The following GLS variants were observed in gnomAD, a reference collection of about 807,000 sequenced individuals.
GLS encodes the protein glutaminase kidney isoform, mitochondrial.
Under a neutral mutation model 86.7 loss-of-function variants are expected in GLS, and 36 were observed. That is an observed-to-expected ratio of 0.42 (90% CI 0.32 to 0.55). The LOEUF (loss-of-function observed/expected upper bound fraction) is 0.55, where lower values mean the gene tolerates loss of function less well. GLS is among the 20% of genes least tolerant of loss of function. GLS has a pLI of 0.17. For missense variants in GLS, 528 were observed against 833.4 expected (o/e 0.63, Z 4.51); for synonymous variants, 317 against 305.9 (o/e 1.04, Z -0.38).
rs181241173 is a variant in GLS at position 190,900,235 on chromosome 2, G to A, written c.606-329G>A. Among the ~76,000 whole-genome samples the A allele has an allele frequency of 2.7e-3, 412 of 152,242 alleles. 3 individuals carry two copies. The highest frequency in any genetic ancestry group is 4.7e-3 in the Non-Finnish European group (319 of 67,978). ...GTCTGAATTTTGTTAACCAGATGTC[G>A]TCATGCTGAATGTTACCAACTCTGA... On this transcript the variant is annotated intron_variant, in intron 3 of 17. Coordinates refer to ENST00000320717, the MANE Select transcript of GLS (RefSeq NM_014905.5).
intron 14 of GLS, among the ~76,000 whole-genome samples, chr2:190,942,880 ACACAAGC>A (rs1690480510): frequency 6.6e-6 from 1 of 152,244 alleles, no homozygotes; most frequent in South Asian, 2.1e-4. Context: ...AACTTCTGTT[ACACAAGC>A]CTTAAGTGTG....
chr2:190,944,879 GTTC>G (rs760995081), intron 14 of GLS, among the ~76,000 whole-genome samples: 38 of 151,992 alleles, frequency 2.5e-4, no homozygotes, highest in Non-Finnish European at 4.7e-4. Context: ...TATTTCTTTT[GTTC>G]TTTTATTTTC....
rs1254104547 is a variant in GLS at position 190,901,997 on chromosome 2, T to C, written c.786T>C (p.Gly262=). ...CCAAATTCAGTCCCGATTTGTGGGG[T>C]GTGTCTGTTTGTACAGTAGATGGAC... The part of the protein sequence containing the change: ...QLAKFSPDLW[G]VSVCTVDGQR... Residue 262 remains glycine, a synonymous_variant, in exon 5 of 18, where the codon GGT becomes GGC. Coordinates refer to ENST00000320717, the MANE Select transcript of GLS (RefSeq NM_014905.5). The C allele has an allele frequency of 1.2e-5, 19 of 1,610,988 alleles. No individual in the cohort carries two copies. The highest frequency in any genetic ancestry group is 1.6e-5 in the Non-Finnish European group (19 of 1,177,348).
In GLS at chr2:190,901,942, G is replaced by C. The variant is rs750699818; in HGVS notation, c.736-5G>C. On this transcript the variant is annotated splice_polypyrimidine_tract_variant and splice_region_variant and intron_variant, in intron 4 of 17. Coordinates refer to ENST00000320717, the MANE Select transcript of GLS (RefSeq NM_014905.5). ...CTATTCATTTCTTTCCAATCTTTTG[G>C]ATAGGTTGCAGATTATATTCCTCAA... 2.2e-5 allele frequency: 34 copies of C among 1,569,904 alleles called. 1 individual carries two copies. In the South Asian group the frequency reaches 3.7e-4, roughly 17 times the overall value.
At chr2:190,910,161 T>C in intron 6 of GLS, 102 bp from the exon 7 acceptor site, 1 of 674,606 alleles carries the variant, frequency 1.5e-6, no homozygotes, top group Non-Finnish European at 2.5e-6. Flanking sequence ...AAAGCAAAAT[T>C]GAGTACGTTA....
chr2:190,940,161 T>G (rs1308491892), intron 14 of GLS, among the ~76,000 whole-genome samples: 1 of 151,920 alleles, frequency 6.6e-6, no homozygotes, highest in African/African-American at 2.4e-5. Flanking sequence ...TATTCTTTAT[T>G]TATTATTTTA....
chr2:190,935,093 C>G lies in GLS; in HGVS notation c.1650+3456C>G, dbSNP rs1437079163. 1 of 943,572 alleles carries G rather than the reference C, an allele frequency of 1.1e-6. No individual in the cohort carries two copies. Among genetic ancestry groups the G allele is most frequent in the African/African-American group, 1.8e-5 (1 of 56,328 alleles). 58.4% of individuals were successfully genotyped at this position (943,572 alleles called of 1,614,324 possible). Reference sequence around the variant, plus strand: ...TCTTTTTTCTTTCTTTTTTTGGCATCATTAACATTTCATTTGAAATGCATA... The same window carrying G: ...TCTTTTTTCTTTCTTTTTTTGGCATGATTAACATTTCATTTGAAATGCATA... On this transcript the variant is annotated intron_variant, in intron 14 of 17. Transcript: ENST00000320717. The surrounding 1 kb of genome is among the most constrained non-coding windows in gnomAD (Gnocchi z 4.2).
intron 3 of GLS, chr2:190,896,319 A>G (rs531815937): frequency 6.6e-6 from 1 of 152,206 alleles, no homozygotes; most frequent in African/African-American, 2.4e-5. Flanking sequence ...GTATTTGCAT[A>G]TATTTATTAT....
intron 7 of GLS, among the ~76,000 whole-genome samples, chr2:190,910,555 T>C (rs1246756638): frequency 6.6e-6 from 1 of 151,688 alleles, no homozygotes; most frequent in Non-Finnish European, 1.5e-5. Flanking sequence ...CATTTACTCT[T>C]GACTTGAAGA....
chr2:190,936,886 T>C (rs1405765801), intron 14 of GLS, among the ~76,000 whole-genome samples: 1 of 151,348 alleles, frequency 6.6e-6, no homozygotes, highest in East Asian at 1.9e-4. Flanking sequence ...TTCTCCTACA[T>C]GGCCTTGAAA....
At position 190,964,262 on chromosome 2, in the gene GLS, C is replaced by CACAT. The variant is rs1158263454; in HGVS notation, c.*1281_*1284dup. 1 of 152,066 alleles carries CACAT rather than the reference C, an allele frequency of 6.6e-6. No individual in the cohort carries two copies. The highest frequency in any genetic ancestry group is 2.4e-5 in the African/African-American group (1 of 41,388). 9.4% of individuals were successfully genotyped at this position (152,066 alleles called of 1,614,324 possible). A position where few individuals can be genotyped will look rare whatever the true frequency, so the allele number is the denominator to read the frequency against. The stretch of plus-strand genomic sequence containing the variant: ...ATAGAACAGGATTTTCTAGGAGTTA[C>CACAT]ACATACATTTTATCCTGTCATACCT... On this transcript the variant is annotated 3_prime_UTR_variant, in exon 18 of 18. Transcript: ENST00000320717. The surrounding 1 kb of genome is among the most constrained non-coding windows in gnomAD (Gnocchi z 5.2).
chr2:190,934,682 A>G, intron 14 of GLS: 2 of 974,672 alleles, frequency 2.1e-6, no homozygotes, highest in Non-Finnish European at 2.4e-6. Context: ...ATGAAGATTT[A>G]GTTTTCATAT....
chr2:190,902,333 A>AAT (rs1479381279), intron 5 of GLS, among the ~76,000 whole-genome samples: 1 of 152,182 alleles, frequency 6.6e-6, no homozygotes, highest in Admixed American at 6.5e-5. Flanking sequence ...CTATTCTCTA[A>AAT]TGAACTGACT....
At chr2:190,931,668 TA>T (rs1690108894) in intron 14 of GLS, 31 bp downstream of exon 14, 4 of 1,031,138 alleles carry the variant, frequency 3.9e-6, no homozygotes, top group Non-Finnish European at 5.9e-6. Context: ...GATAAGTATA[TA>T]AAATTTTTAA....
At chr2:190,917,046 A>G (rs1170622340) in intron 7 of GLS, among the ~76,000 whole-genome samples, 1 of 152,170 alleles carries the variant, frequency 6.6e-6, no homozygotes, top group African/African-American at 2.4e-5. Flanking sequence ...TAAGACGACA[A>G]TGAAGTTGCC....
intron 6 of GLS, among the ~76,000 whole-genome samples, chr2:190,908,466 T>C (rs1318371949): frequency 6.6e-6 from 1 of 152,244 alleles, no homozygotes; most frequent in East Asian, 1.9e-4. Flanking sequence ...TTTTGCATTA[T>C]AGTTTAAAGC....
At position 190,885,106 on chromosome 2, in the gene GLS, A is replaced by T. The variant is rs577507610; in HGVS notation, c.386+3636A>T. ...TTTCAGCTAGCTTTAGTTAGTATGG[A>T]TTTATGTTTTGATAGTTCAGCTTTA... is the stretch of plus-strand genomic sequence containing the variant. On this transcript the variant is annotated intron_variant, in intron 1 of 17. Coordinates refer to ENST00000320717, the MANE Select transcript of GLS (RefSeq NM_014905.5). Among the ~76,000 whole-genome samples, 8 of 152,282 alleles carry T rather than the reference A, an allele frequency of 5.3e-5. No individual in the cohort carries two copies. In the East Asian group the frequency reaches 1.5e-3, roughly 29 times the overall value.
At chr2:190,929,533 G>A (rs971503481) in intron 12 of GLS, among the ~76,000 whole-genome samples, 2 of 151,276 alleles carry the variant, frequency 1.3e-5, no homozygotes, top group East Asian at 1.9e-4. Flanking sequence ...GCAGTGGTGC[G>A]ATCTTGGCTC....
intron 5 of GLS, among the ~76,000 whole-genome samples, chr2:190,902,828 T>G (rs1191563905): frequency 2.0e-5 from 3 of 152,294 alleles, no homozygotes; most frequent in Non-Finnish European, 2.9e-5. Context: ...AGCTCAGAGA[T>G]ATATTCCTTT....
Sources: gnomAD v4.1 joint callset for allele counts (sites outside exome capture counted in the v4.1 genomes callset) on GRCh38, gnomAD v4.1.1 for gene constraint, Gnocchi (gnomAD v3.1) non-coding constraint, MANE v1.5 for transcripts, NCBI Gene and HGNC (gene_info 2026-07-23, HGNC 2026-07-21) for gene names.